Variants in ATRNL1 observed in about 807,000 individuals in gnomAD.
ATRNL1 encodes the protein attractin like 1.
In ATRNL1, 95 loss-of-function variants were observed where a neutral mutation model predicts 182.7. That is an observed-to-expected ratio of 0.52 (90% CI 0.44 to 0.62). The LOEUF (loss-of-function observed/expected upper bound fraction) is 0.62. ATRNL1 is among the 20% of genes least tolerant of loss of function. The pLI is 0.00. For synonymous variants in ATRNL1, 576 were observed against 568.3 expected (o/e 1.01, Z -0.19); for missense variants, 1,471 against 1,679.5 (o/e 0.88, Z 2.17).
chr10:115,194,692 A>G (rs897031871), intron 8 of ATRNL1, among the ~76,000 whole-genome samples: 1 of 151,756 alleles, frequency 6.6e-6, no homozygotes, highest in Admixed American at 6.6e-5. Flanking sequence ...TACATTCAAT[A>G]TTATTATTGA....
At chr10:115,777,697 A>T (rs948880731) in intron 27 of ATRNL1, among the ~76,000 whole-genome samples, 1 of 152,240 alleles carries the variant, frequency 6.6e-6, no homozygotes, top group African/African-American at 2.4e-5. Flanking sequence ...CCTGTGCTAG[A>T]TGCTGTGGGA....
intron 25 of ATRNL1, among the ~76,000 whole-genome samples, chr10:115,525,523 A>C (rs1029776744): frequency 6.6e-6 from 1 of 152,206 alleles, no homozygotes. Flanking sequence ...CAGCATATTC[A>C]TAACAGCCTT....
In ATRNL1 at chr10:115,671,812, G is replaced by A. The variant is rs141615619; in HGVS notation, c.3796-55436G>A. 4.3e-4 allele frequency among the ~76,000 whole-genome samples: 66 copies of A among 152,152 alleles called. 1 individual carries two copies. The South Asian group carries it at 8.5e-3, about 20-fold the overall frequency. ...CCTTCTCTTCTTATCCCAAGAAAGC[G>A]TCACTGAACTTCTGTATTTCATTTC... On this transcript the variant is annotated intron_variant, in intron 26 of 28. Transcript: ENST00000355044.
chr10:115,905,116 C>T (rs1952461954), intron 28 of ATRNL1, among the ~76,000 whole-genome samples: 1 of 152,152 alleles, frequency 6.6e-6, no homozygotes, highest in Non-Finnish European at 1.5e-5. Flanking sequence ...GTGAGCTAGT[C>T]CCCAGCTACT....
intron 1 of ATRNL1, among the ~76,000 whole-genome samples, chr10:115,107,791 A>G (rs1416614870): frequency 1.3e-5 from 2 of 152,174 alleles, no homozygotes; most frequent in African/African-American, 4.8e-5. Flanking sequence ...TATACTTTTC[A>G]GAGCTGCAGC....
At chr10:115,631,174 T>G (rs782436192) in intron 26 of ATRNL1, among the ~76,000 whole-genome samples, 7 of 152,014 alleles carry the variant, frequency 4.6e-5, no homozygotes, top group African/African-American at 9.7e-5. Context: ...GTATAGTTAC[T>G]AATATTGTAT....
chr10:115,307,054 T>C (rs1195447311), intron 17 of ATRNL1, among the ~76,000 whole-genome samples: 1 of 152,168 alleles, frequency 6.6e-6, no homozygotes, highest in Non-Finnish European at 1.5e-5. Context: ...TTTGCTTCTT[T>C]TGTTTTCTTG....
chr10:115,690,287 G>C (rs902571134), intron 26 of ATRNL1, among the ~76,000 whole-genome samples: 1 of 151,926 alleles, frequency 6.6e-6, no homozygotes, highest in Non-Finnish European at 1.5e-5. Context: ...GATGGGGGTG[G>C]GTATTGGGGG....
intron 26 of ATRNL1, among the ~76,000 whole-genome samples, chr10:115,598,185 G>A (rs980940511): frequency 2.6e-5 from 4 of 151,150 alleles, no homozygotes; most frequent in Non-Finnish European, 5.9e-5. Flanking sequence ...CATATTAACA[G>A]CAATATTCCT....
chr10:115,477,148 A>C (rs1554973314), intron 24 of ATRNL1, among the ~76,000 whole-genome samples: 1 of 151,614 alleles, frequency 6.6e-6, no homozygotes, highest in Non-Finnish European at 1.5e-5. Flanking sequence ...TACAAAAATC[A>C]CATGGGTTTC....
chr10:115,250,179 A>G (rs1424087988), intron 10 of ATRNL1, among the ~76,000 whole-genome samples: 2 of 152,158 alleles, frequency 1.3e-5, no homozygotes, highest in Non-Finnish European at 2.9e-5. Flanking sequence ...GATCATGGGT[A>G]CCACTTCCAT....
At chr10:115,138,891 T>C (rs1845637544) in intron 5 of ATRNL1, among the ~76,000 whole-genome samples, 1 of 152,240 alleles carries the variant, frequency 6.6e-6, no homozygotes, top group African/African-American at 2.4e-5. Context: ...CAAACTTTTA[T>C]GCTGTGTGTC....
chr10:115,526,045 G>A (rs534580597), intron 25 of ATRNL1, among the ~76,000 whole-genome samples: 17 of 152,266 alleles, frequency 1.1e-4, no homozygotes, highest in African/African-American at 4.1e-4. Flanking sequence ...GGGGGCACCT[G>A]TTACCTAAGA....
intron 28 of ATRNL1, among the ~76,000 whole-genome samples, chr10:115,851,122 T>A (rs567069531): frequency 4.6e-3 from 42 of 9,050 alleles, no homozygotes; most frequent in African/African-American, 0.019. Flanking sequence ...CTTACTAAAA[T>A]TTTTTTTTTA....
intron 10 of ATRNL1, among the ~76,000 whole-genome samples, chr10:115,244,557 A>G (rs1850551466): frequency 6.6e-6 from 1 of 152,258 alleles, no homozygotes; most frequent in South Asian, 2.1e-4. Flanking sequence ...TGAATAAGAT[A>G]GGTTGAGTAT....
intron 26 of ATRNL1, among the ~76,000 whole-genome samples, chr10:115,681,099 G>C (rs1946033173): frequency 6.6e-6 from 1 of 152,028 alleles, no homozygotes; most frequent in Non-Finnish European, 1.5e-5. Context: ...CAGACATGTG[G>C]AATGGGATTC....
At chr10:115,243,873 G>T (rs1474763847) in intron 10 of ATRNL1, among the ~76,000 whole-genome samples, 1 of 151,902 alleles carries the variant, frequency 6.6e-6, no homozygotes, top group Non-Finnish European at 1.5e-5. Flanking sequence ...AAACTGTTCG[G>T]CTTTATCTCA....
At chr10:115,666,226 C>A (rs187692099) in intron 26 of ATRNL1, among the ~76,000 whole-genome samples, 1 of 152,058 alleles carries the variant, frequency 6.6e-6, no homozygotes, top group South Asian at 2.1e-4. Context: ...TTTTAAAGGT[C>A]GTCCAAGGTT....
chr10:115,174,475 AT>A (rs1409189078), intron 8 of ATRNL1, among the ~76,000 whole-genome samples: 2 of 151,724 alleles, frequency 1.3e-5, no homozygotes, highest in Non-Finnish European at 2.9e-5. Context: ...TGTTTTAGTT[AT>A]TTTTGTTTTG....
Sources: allele counts gnomAD v4.1 joint callset (sites outside exome capture counted in the v4.1 genomes callset), GRCh38; gene constraint gnomAD v4.1.1; transcripts MANE v1.5; gene names NCBI Gene and HGNC (gene_info 2026-07-23, HGNC 2026-07-21).